Variants in MATR3 observed in about 807,000 individuals in gnomAD.
MATR3 encodes the protein matrin 3.
A neutral mutation model predicts 85.5 loss-of-function variants in MATR3; 4 were observed. That is an observed-to-expected ratio of 0.05 (90% CI 0.02 to 0.11). The LOEUF (loss-of-function observed/expected upper bound fraction) is 0.11. Among genes scored for constraint, MATR3 ranks in the 10% least tolerant of loss-of-function variants. MATR3 has a pLI of 1.00. For missense variants in MATR3, 685 were observed against 1,016.1 expected, an observed-to-expected ratio of 0.67 and a Z score of 4.43; for synonymous variants, 336 against 343.1, an observed-to-expected ratio of 0.98 and a Z score of 0.23.
At chr5:139,320,519 C>T (rs1561941211) in intron 9 of MATR3, among the ~76,000 whole-genome samples, 1 of 152,138 alleles carries the variant, frequency 6.6e-6, no homozygotes, top group Non-Finnish European at 1.5e-5. Context: ...AGGTGGAACA[C>T]TTAACCCAGG....
chr5:139,304,600 G>A (rs1754616172), intron 1 of MATR3, among the ~76,000 whole-genome samples: 1 of 152,116 alleles, frequency 6.6e-6, no homozygotes, highest in African/African-American at 2.4e-5. Context: ...GGGTGCAGGT[G>A]CTTTCTTTTT....
chr5:139,313,239 A>C (rs1561936576), intron 2 of MATR3: 1 of 151,962 alleles, frequency 6.6e-6, no homozygotes, highest in Non-Finnish European at 1.5e-5. Flanking sequence ...AAATTACCTC[A>C]ATTTGTGGGA....
At chr5:139,326,342 T>C in intron 14 of MATR3, 58 bp downstream of exon 14, 1 of 1,560,556 alleles carries the variant, frequency 6.4e-7, no homozygotes, top group Non-Finnish European at 8.8e-7. Flanking sequence ...TGGAAATAAG[T>C]GGGGTATATA....
intron 3 of MATR3, chr5:139,315,388 A>G (rs577268509): frequency 1.9e-4 from 60 of 319,520 alleles, no homozygotes; most frequent in Middle Eastern, 1.0e-3. Context: ...TCTTGTTTCT[A>G]TGTAACCCAC....
intron 3 of MATR3, chr5:139,279,402 T>A (rs940127430): frequency 2.1e-5 from 6 of 280,308 alleles, no homozygotes; most frequent in Non-Finnish European, 3.5e-5. Context: ...CTAATTTTTT[T>A]ATTTTAAGTA....
chr5:139,330,841 A>G lies in MATR3; in HGVS notation c.*1446A>G. Reference sequence around the variant, plus strand: ...GACACAGGGTCTCACTCTGTCACCCAGACTGGAGTGCAGTGGCACAGTTCT... The same window carrying G: ...GACACAGGGTCTCACTCTGTCACCCGGACTGGAGTGCAGTGGCACAGTTCT... On this transcript the variant is annotated 3_prime_UTR_variant, in exon 15 of 15. Coordinates refer to ENST00000394805, the MANE Select transcript of MATR3 (RefSeq NM_018834.6). 2.2e-6 allele frequency: 1 copy of G among 454,102 alleles called. No homozygotes were observed. The highest frequency in any genetic ancestry group is 1.6e-5 in the South Asian group (1 of 64,472). The allele number at this position is 454,102 out of a possible 1,614,324, so 28.1% of individuals were successfully genotyped here.
chr5:139,275,989 A>T, intron 1 of MATR3: 1 of 454,578 alleles, frequency 2.2e-6, no homozygotes, highest in South Asian at 1.5e-5. Context: ...CTAAACAAGG[A>T]TAAGCTATTG....
chr5:139,293,866 G>C (rs899881049), intron 1 of MATR3, 61 bp downstream of exon 1: 2 of 651,944 alleles, frequency 3.1e-6, no homozygotes, highest in African/African-American at 3.8e-5. Context: ...TGTCCGCCGG[G>C]AGGGGACAAC....
rs550973233 is a variant in MATR3, at chr5:139,316,883, G to A, written c.1130-170G>A. Among the ~76,000 whole-genome samples, 8 of 152,278 alleles carry A rather than the reference G, an allele frequency of 5.3e-5. No homozygotes were observed. The South Asian group carries it at 1.7e-3, about 32-fold the overall frequency. On this transcript the variant is annotated intron_variant, in intron 5 of 14. Coordinates refer to ENST00000394805, the MANE Select transcript of MATR3 (RefSeq NM_018834.6). The stretch of plus-strand genomic sequence containing the variant: ...TTAAAGGCAATGATTATAGGTGAAA[G>A]AAGGCTCATTCAAATATTACACAGA...
chr5:139,319,551 A>G, intron 9 of MATR3, 50 bp downstream of exon 9: 2 of 1,526,540 alleles, frequency 1.3e-6, no homozygotes, highest in Non-Finnish European at 1.8e-6. Context: ...AAAATCCTTA[A>G]GATTTTTCAA....
chr5:139,295,554 TGGAA>T (rs966227160), intron 1 of MATR3, among the ~76,000 whole-genome samples: 3 of 152,212 alleles, frequency 2.0e-5, no homozygotes, highest in Non-Finnish European at 4.4e-5. Flanking sequence ...TGAACTAACT[TGGAA>T]GGATTTAACT....
intron 3 of MATR3, among the ~76,000 whole-genome samples, chr5:139,286,909 T>C (rs1753724716): frequency 6.6e-6 from 1 of 152,058 alleles, no homozygotes; most frequent in Admixed American, 6.5e-5. Context: ...AGCATGTAAA[T>C]AGTGGTCTAT....
chr5:139,302,550 T>C (rs181004061), intron 1 of MATR3, among the ~76,000 whole-genome samples: 1 of 152,232 alleles, frequency 6.6e-6, no homozygotes, highest in East Asian at 1.9e-4. Context: ...TGAAGAAAAA[T>C]TTAAATAGTA....
At chr5:139,293,909 G>A in intron 1 of MATR3, 104 bp downstream of exon 1, 1 of 1,122,302 alleles carries the variant, frequency 8.9e-7, no homozygotes, top group Non-Finnish European at 1.1e-6. Flanking sequence ...AGCCGGCGGC[G>A]CGCCTTTCTT....
At chr5:139,324,449 C>T (rs978088813) in intron 12 of MATR3, among the ~76,000 whole-genome samples, 4 of 152,028 alleles carry the variant, frequency 2.6e-5, no homozygotes, top group Admixed American at 6.6e-5. Context: ...CACCACCACA[C>T]GAGGCTAATT....
chr5:139,322,423 C>T lies in MATR3; in HGVS notation c.1735-40C>T. ...TTAATTCACTGGATAATTGTGTATT[C>T]TGCAAATGTGTTAACTTCTGCAAAA... On this transcript the variant is annotated intron_variant, in intron 10 of 14. Coordinates refer to ENST00000394805, the MANE Select transcript of MATR3 (RefSeq NM_018834.6). 3 of 1,548,354 alleles carry T rather than the reference C, an allele frequency of 1.9e-6. No homozygotes were observed. The South Asian group carries it at 3.4e-5, about 17-fold the overall frequency.
At chr5:139,285,205 GTCTTAC>G (rs1753665687) in intron 3 of MATR3, 3 of 152,164 alleles carry the variant, frequency 2.0e-5, no homozygotes, top group Non-Finnish European at 2.9e-5. Flanking sequence ...CTACTCAAAT[GTCTTAC>G]TTACAGATTC....
chr5:139,289,908 C>A (rs570365069), upstream of MATR3, among the ~76,000 whole-genome samples: 1 of 152,308 alleles, frequency 6.6e-6, no homozygotes, highest in East Asian at 1.9e-4. Context: ...TACCTGATAT[C>A]CATGTTGCTA....
chr5:139,278,601 C>T, intron 2 of MATR3: 1 of 357,684 alleles, frequency 2.8e-6, no homozygotes, highest in East Asian at 7.4e-5. Flanking sequence ...GCAGGACCTC[C>T]CTGAATGTTG....
Sources: gnomAD v4.1 joint callset for allele counts (sites outside exome capture counted in the v4.1 genomes callset) on GRCh38, gnomAD v4.1.1 for gene constraint, MANE v1.5 for transcripts, NCBI Gene and HGNC (gene_info 2026-07-23, HGNC 2026-07-21) for gene names.